The following RGS6 variants were observed in gnomAD, a reference collection of about 807,000 sequenced individuals.
RGS6 encodes regulator of G protein signaling 6, also known as regulator of G-protein signaling 6.
RGS6 carries 30 observed loss-of-function variants against 78.5 expected under a neutral mutation model. The observed-to-expected ratio is 0.38, with a 90% CI of 0.29 to 0.52. The LOEUF (loss-of-function observed/expected upper bound fraction) is 0.52. RGS6 is among the 20% of genes least tolerant of loss of function. The pLI is 0.85. For synonymous variants in RGS6, 206 were observed against 206.0 expected (o/e 1.00, Z 0.00); for missense variants, 495 against 609.7 (o/e 0.81, Z 1.98).
chr14:72,603,430 A>C, the RGS6 span, among the ~76,000 whole-genome samples: 1 of 152,286 alleles, frequency 6.6e-6, no homozygotes, highest in Non-Finnish European at 1.5e-5. Context: ...AGAGGGAGAA[A>C]TATCCATGCC....
At chr14:72,389,237 C>T (rs1303256370) in intron 3 of RGS6, among the ~76,000 whole-genome samples, 1 of 152,150 alleles carries the variant, frequency 6.6e-6, no homozygotes, top group Non-Finnish European at 1.5e-5. Context: ...GTTCCATCAA[C>T]TGTGTGGTCC....
the RGS6 span, among the ~76,000 whole-genome samples, chr14:72,585,446 G>C: frequency 6.6e-6 from 1 of 152,206 alleles, no homozygotes; most frequent in African/African-American, 2.4e-5. Flanking sequence ...GAAAAAAGCA[G>C]GTTGGAAAGA....
At chr14:72,458,433 C>T in intron 5 of RGS6, 56 bp downstream of exon 5, 1 of 1,328,822 alleles carries the variant, frequency 7.5e-7, no homozygotes, top group Non-Finnish European at 1.1e-6. Context: ...ATCATCTGAT[C>T]TTAGGTTAGA....
intron 12 of RGS6, among the ~76,000 whole-genome samples, chr14:72,488,446 C>T (rs143945197): frequency 1.2e-3 from 188 of 152,338 alleles, no homozygotes; most frequent in Non-Finnish European, 2.2e-3. Flanking sequence ...CCACATTCTC[C>T]TAAACCAACA....
intron 2 of RGS6, among the ~76,000 whole-genome samples, chr14:72,272,620 G>A (rs563686121): frequency 1.1e-4 from 17 of 152,148 alleles, no homozygotes; most frequent in Middle Eastern, 3.4e-3. Flanking sequence ...TATACAGCTC[G>A]GTGTCTGTGC....
intron 2 of RGS6, among the ~76,000 whole-genome samples, chr14:72,347,247 C>T (rs779926264): frequency 4.6e-5 from 7 of 152,178 alleles, no homozygotes; most frequent in East Asian, 1.9e-4. Context: ...GTCAGGAAAA[C>T]GTAAGTCTCT....
chr14:71,889,975 A>G, the RGS6 span, among the ~76,000 whole-genome samples: 1 of 152,032 alleles, frequency 6.6e-6, no homozygotes, highest in Non-Finnish European at 1.5e-5. Flanking sequence ...AAAAACTGTG[A>G]TTACTTGTGC....
intron 2 of RGS6, among the ~76,000 whole-genome samples, chr14:72,010,002 A>G (rs1033002105): frequency 6.6e-6 from 1 of 152,256 alleles, no homozygotes; most frequent in Non-Finnish European, 1.5e-5. Context: ...CAGTGGCAGC[A>G]GCCTGCCTTA....
chr14:72,308,962 C>T (rs1595620274), intron 2 of RGS6, among the ~76,000 whole-genome samples: 1 of 152,190 alleles, frequency 6.6e-6, no homozygotes, highest in Admixed American at 6.5e-5. Flanking sequence ...CCTCTCTCAA[C>T]AGGGATAATA....
In RGS6 at chr14:72,073,029, G is replaced by A. The variant is rs188829668; in HGVS notation, c.84+108154G>A. Among the ~76,000 whole-genome samples the A allele has an allele frequency of 2.0e-5, 3 of 152,254 alleles. No homozygotes were observed. The East Asian group carries it at 5.8e-4, about 29-fold the overall frequency. On this transcript the variant is annotated intron_variant, in intron 2 of 17. Coordinates refer to ENST00000553525, the MANE Select transcript of RGS6 (RefSeq NM_001204424.2). Reference sequence around the variant, plus strand: ...GTGTAGCCAAGCTTGAAGATTACTCGATAGTCATTGATTATGTGCGTGCCA... The same window carrying A: ...GTGTAGCCAAGCTTGAAGATTACTCAATAGTCATTGATTATGTGCGTGCCA...
At chr14:72,331,578 G>A (rs1184078681) in intron 2 of RGS6, among the ~76,000 whole-genome samples, 13 of 152,120 alleles carry the variant, frequency 8.5e-5, no homozygotes, top group Non-Finnish European at 1.9e-4. Context: ...CTTTGAGACC[G>A]CAGTTCCATA....
the RGS6 span, among the ~76,000 whole-genome samples, chr14:71,890,683 T>C: frequency 1.3e-5 from 2 of 152,240 alleles, no homozygotes; most frequent in South Asian, 2.1e-4. Flanking sequence ...ATGTTTCCTC[T>C]GTAGTAACTT....
intron 2 of RGS6, among the ~76,000 whole-genome samples, chr14:71,999,692 TAA>T (rs1239726886): frequency 1.3e-5 from 2 of 152,300 alleles, no homozygotes; most frequent in Admixed American, 6.5e-5. Context: ...TCTGGTTGTT[TAA>T]AAGTGTGTAG....
At chr14:72,101,224 G>C (rs74404353) in intron 2 of RGS6, among the ~76,000 whole-genome samples, 5 of 152,164 alleles carry the variant, frequency 3.3e-5, no homozygotes, top group Non-Finnish European at 7.3e-5. Context: ...ATTCTAATTT[G>C]TGGCCAGGTC....
At chr14:71,918,184 C>CAAAAAAA in the RGS6 span, among the ~76,000 whole-genome samples, 44 of 33,722 alleles carry the variant, frequency 1.3e-3, 8 homozygotes, top group Non-Finnish European at 1.9e-3. Context: ...ACTCCAGTCT[C>CAAAAAAA]AAAAAAAAAA....
chr14:72,348,892 CGT>C (rs2078569278), intron 2 of RGS6, among the ~76,000 whole-genome samples: 1 of 152,192 alleles, frequency 6.6e-6, no homozygotes, highest in Non-Finnish European at 1.5e-5. Context: ...TATGGCCGGG[CGT>C]GGTGGCTCAC....
At chr14:71,938,325 C>T (rs1002167208) in intron 1 of RGS6, among the ~76,000 whole-genome samples, 5 of 152,354 alleles carry the variant, frequency 3.3e-5, no homozygotes, top group African/African-American at 9.6e-5. Context: ...GATATATAAT[C>T]GCATATTGGG....
intron 3 of RGS6, among the ~76,000 whole-genome samples, chr14:72,376,709 C>T (rs1347651074): frequency 6.6e-6 from 1 of 152,030 alleles, no homozygotes; most frequent in South Asian, 2.1e-4. Context: ...ATAAAACTTG[C>T]CATTCAATAT....
chr14:71,954,444 T>C (rs1212707250), intron 1 of RGS6, among the ~76,000 whole-genome samples: 1 of 152,138 alleles, frequency 6.6e-6, no homozygotes, highest in Non-Finnish European at 1.5e-5. Flanking sequence ...TTTCTTAAAT[T>C]TTTAATTTTT....
Sources: gnomAD v4.1 joint callset for allele counts (sites outside exome capture counted in the v4.1 genomes callset) on GRCh38, gnomAD v4.1.1 for gene constraint, MANE v1.5 for transcripts, NCBI Gene and HGNC (gene_info 2026-07-23, HGNC 2026-07-21) for gene names.